G6PD: variants seen among roughly 807,000 people sequenced by gnomAD.
G6PD encodes the protein glucose-6-phosphate 1-dehydrogenase.
G6PD carries 2 observed loss-of-function variants against 38.2 expected under a neutral mutation model. That is an observed-to-expected ratio of 0.05 (90% confidence interval 0.02 to 0.16). The LOEUF is 0.16. G6PD is among the 10% of genes least tolerant of loss of function. The pLI is 1.00. For missense variants in G6PD, 310 were observed against 471.6 expected (o/e 0.66, Z 3.17); for synonymous variants, 188 against 196.0 (o/e 0.96, Z 0.34).
chrX:154,535,853 TG>T (rs2070401862), intron 4 of G6PD, 83 bp downstream of exon 4: 3 of 771,367 alleles, frequency 3.9e-6, no homozygotes, highest in African/African-American at 2.1e-5. Context: ...CGGGATGGGA[TG>T]GGGGGAGGTC....
Position 154,535,359 on chromosome X carries a change from C to T in G6PD, c.294G>A (p.Leu98=), listed in dbSNP as rs782205301. The T allele has an allele frequency of 8.3e-7, 1 of 1,210,094 alleles. No individual in the cohort carries two copies. Among genetic ancestry groups the T allele is most frequent in the African/African-American group, 1.7e-5 (1 of 57,315 alleles). ...AGGAGTTGCGGGCAAAGAAGTCCTC[C>T]AGCTTGAGCTTCTCCTCTGGGGTGG... ...FKATPEEKLK[L]EDFFARNSYV... is the part of the protein sequence containing the mutation. The change falls in exon 5 of 13, where the codon CTG becomes CTA. Residue 98 remains leucine (L), a synonymous_variant. Transcript: ENST00000393562.
intron 2 of G6PD, among the ~76,000 whole-genome samples, chrX:154,545,064 G>T (rs1175362920): frequency 2.7e-5 from 3 of 111,922 alleles, no homozygotes; most frequent in Non-Finnish European, 5.7e-5. Flanking sequence ...TGAAGCCCTT[G>T]TTCCACCAGC....
intron 5 of G6PD, 112 bp downstream of exon 5, chrX:154,535,056 C>T (rs782410880): frequency 7.5e-5 from 58 of 773,107 alleles, no homozygotes; most frequent in Non-Finnish European, 1.1e-4. Context: ...GGGATGGCCC[C>T]GGCACCATGG....
intron 11 of G6PD, 44 bp downstream of exon 11, chrX:154,532,342 C>T (rs1301323117): frequency 1.7e-5 from 21 of 1,205,608 alleles, no homozygotes; most frequent in Non-Finnish European, 2.2e-5. Flanking sequence ...GCAAAGGCCA[C>T]CCCATAGCCC....
chrX:154,532,011 G>T lies in G6PD; in HGVS notation c.1537C>A (p.His513Asn). Residue 513 changes from histidine to asparagine, a missense_variant, in exon 13 of 13, where the codon CAC becomes AAC. By Grantham distance (68) the His-to-Asn change is moderately conservative. Coordinates refer to ENST00000393562, the MANE Select transcript of G6PD (RefSeq NM_001360016.2). The stretch of plus-strand genomic sequence containing the variant: ...TGGGTGCCCAGGGCTCAGAGCTTGT[G>T]GGGGTTCACCCACTTGTAGGTGCCC... ...YEGTYKWVNP[H>N]KL 1 of 1,209,898 alleles carries T rather than the reference G, an allele frequency of 8.3e-7. No homozygotes were observed. The highest frequency in any genetic ancestry group is 1.1e-6 in the Non-Finnish European group (1 of 894,961).
chrX:154,546,828 G>A lies in G6PD; in HGVS notation c.-48C>T, dbSNP rs1557233547. 8.6e-6 allele frequency: 10 copies of A among 1,157,213 alleles called. No individual in the cohort carries two copies. Among genetic ancestry groups the A allele is most frequent in the Admixed American group, 2.5e-5 (1 of 39,815 alleles). ...CGTCGCCCTCCGCGCTCGCAGCCCC[G>A]AAGTGTACGACCGTTTCCGGGGGCT... On this transcript the variant is annotated 5_prime_UTR_variant, in exon 1 of 13. Transcript: ENST00000393562.
intron 2 of G6PD, among the ~76,000 whole-genome samples, chrX:154,544,357 T>C (rs2070626957): frequency 9.0e-6 from 1 of 110,616 alleles, no homozygotes; most frequent in Non-Finnish European, 1.9e-5. Context: ...AGATGGGGTT[T>C]CACCATGTTG....
intron 4 of G6PD, 113 bp from the exon 5 acceptor site, chrX:154,535,498 G>T: frequency 1.5e-6 from 1 of 682,397 alleles, no homozygotes. Flanking sequence ...CAGGGAGGGT[G>T]CCCTCAGAAG....
chrX:154,545,407 G>A (rs782367275), intron 2 of G6PD, among the ~76,000 whole-genome samples: 27 of 111,958 alleles, frequency 2.4e-4, no homozygotes, highest in Non-Finnish European at 4.3e-4. Context: ...ATTTGTTAAG[G>A]CATGAACAGG....
At position 154,532,481 on chromosome X, in the gene G6PD, C is replaced by T. The variant is rs2070350463; in HGVS notation, c.1288-19G>A. On this transcript the variant is annotated intron_variant, in intron 10 of 12. Transcript: ENST00000393562. ...TCACGTTCTGTGAGGGAGAGAGTGTCTTGCTGATGCCACTGCCTGCCACCA... is the reference window on the plus strand; with the variant it reads ...TCACGTTCTGTGAGGGAGAGAGTGTTTTGCTGATGCCACTGCCTGCCACCA... 5 of 1,209,509 alleles carry T rather than the reference C, an allele frequency of 4.1e-6. No individual in the cohort carries two copies. The highest frequency in any genetic ancestry group is 5.6e-6 in the Non-Finnish European group (5 of 893,343).
At chrX:154,545,574 C>T (rs2070678677) in intron 2 of G6PD, among the ~76,000 whole-genome samples, 1 of 111,817 alleles carries the variant, frequency 8.9e-6, no homozygotes, top group Admixed American at 9.5e-5. Context: ...GTGGCTCATG[C>T]CTGTCATCCC....
chrX:154,532,530 C>T (rs1304741663), intron 10 of G6PD, 37 bp downstream of exon 10: 7 of 1,206,664 alleles, frequency 5.8e-6, no homozygotes, highest in East Asian at 5.9e-5. Context: ...GGGCCCAGGC[C>T]GCCCACCCTC....
At chrX:154,546,318 A>T (rs1228574475) in intron 1 of G6PD, 155 bp from the exon 2 acceptor site, 21 of 705,513 alleles carry the variant, frequency 3.0e-5, no homozygotes, top group Non-Finnish European at 3.9e-5. Flanking sequence ...GGAGTGGTTG[A>T]TGGGTTAGAA....
At chrX:154,535,121 C>T in intron 5 of G6PD, 47 bp downstream of exon 5, 1 of 1,150,576 alleles carries the variant, frequency 8.7e-7, no homozygotes, top group Non-Finnish European at 1.2e-6. Flanking sequence ...GGAGCACTGC[C>T]TGGGCCAGCC....
At chrX:154,532,500 G>C (rs1302596638) in intron 10 of G6PD, 38 bp from the exon 11 acceptor site, 3 of 1,204,240 alleles carry the variant, frequency 2.5e-6, no homozygotes, top group Admixed American at 2.2e-5. Context: ...GCCACTGCCT[G>C]CCACCATGTG....
chrX:154,535,155 C>A lies in G6PD; in HGVS notation c.485+13G>T. The stretch of plus-strand genomic sequence containing the variant: ...CCTGGCAGGCGGGAAGGGAGGGCAA[C>A]GGCAAGCCTTACATCTGGCTCATGC... On this transcript the variant is annotated intron_variant, in intron 5 of 12. Coordinates refer to ENST00000393562, the MANE Select transcript of G6PD (RefSeq NM_001360016.2). 8.3e-7 allele frequency: 1 copy of A among 1,206,464 alleles called. No individual in the cohort carries two copies. Among genetic ancestry groups the A allele is most frequent in the Non-Finnish European group, 1.1e-6 (1 of 891,851 alleles).
Position 154,536,270 on chromosome X carries a change from C to G in G6PD, c.121-92G>C, listed in dbSNP as rs1246348445. 1.7e-5 allele frequency: 15 copies of G among 864,058 alleles called. No individual in the cohort carries two copies. The East Asian group carries it at 1.9e-4, about 11-fold the overall frequency. The allele number at this position is 864,058 out of a possible 1,213,427, so 71.2% of individuals were successfully genotyped here. A position where few individuals can be genotyped will look rare whatever the true frequency, so the allele number is the denominator to read the frequency against. On this transcript the variant is annotated intron_variant, in intron 2 of 12. Coordinates refer to ENST00000393562, the MANE Select transcript of G6PD (RefSeq NM_001360016.2). Reference sequence around the variant, plus strand: ...CACCCTTGGTGATCTGGGCACTACTCAGGATCACTACTGGGCCACAAGCAT... The same window carrying G: ...CACCCTTGGTGATCTGGGCACTACTGAGGATCACTACTGGGCCACAAGCAT...
At chrX:154,547,288 C>T (rs1387461987), upstream of G6PD, 2 of 739,054 alleles carry the variant, frequency 2.7e-6, no homozygotes, top group African/African-American at 2.3e-5. Flanking sequence ...CCGCGCCACT[C>T]CCCCGGGAAC....
In G6PD at chrX:154,532,069, G is replaced by C; in HGVS notation, c.1479C>G (p.Asp493Glu). 1 of 1,210,015 alleles carries C rather than the reference G, an allele frequency of 8.3e-7. No individual in the cohort carries two copies. The highest frequency in any genetic ancestry group is 1.1e-6 in the Non-Finnish European group (1 of 894,964). The part of the protein sequence containing the change: ...IYGSRGPTEA[D>E]ELMKRVGFQY... ...GGAAACCCACTCTCTTCATCAGCTC[G>C]TCTGCCTCCGTGGGGCCTCGGCTGG... The change falls in exon 13 of 13, where the codon GAC becomes GAG. Residue 493 changes from aspartate (D) to glutamate (E), a missense_variant. Transcript: ENST00000393562.
Sources: allele counts gnomAD v4.1 joint callset (sites outside exome capture counted in the v4.1 genomes callset), GRCh38; gene constraint gnomAD v4.1.1; transcripts MANE v1.5; gene names NCBI Gene and HGNC (gene_info 2026-07-23, HGNC 2026-07-21).